ACTR3C: variants seen among roughly 807,000 people sequenced by gnomAD.
The protein encoded by ACTR3C is actin related protein 3C.
In ACTR3C, 18 loss-of-function variants were observed where a neutral mutation model predicts 26.3. The ratio of observed to expected loss-of-function variants is 0.68; its 90% CI spans 0.47 to 1.01. The LOEUF (loss-of-function observed/expected upper bound fraction) is 1.01. Among genes scored for constraint, ACTR3C ranks in the 50% least tolerant of loss-of-function variants. The pLI, the probability that ACTR3C is intolerant of heterozygous loss-of-function variation, is 0.00. For missense variants in ACTR3C, 184 were observed against 250.7 expected, an observed-to-expected ratio of 0.73 and a Z score of 1.80; for synonymous variants, 55 against 94.5, an observed-to-expected ratio of 0.58 and a Z score of 2.42.
At chr7:150,038,217 G>T in the ACTR3C span, among the ~76,000 whole-genome samples, 3 of 144,256 alleles carry the variant, frequency 2.1e-5, no homozygotes, top group East Asian at 5.9e-4. Flanking sequence ...TACTAGCAGG[G>T]CAGTTGCTGC....
chr7:150,289,044 G>C (rs1369456477), intron 4 of ACTR3C, among the ~76,000 whole-genome samples: 1 of 151,302 alleles, frequency 6.6e-6, no homozygotes, highest in African/African-American at 2.4e-5. Context: ...AGCCACACCT[G>C]TGTGTGAATT....
chr7:150,037,087 G>A, the ACTR3C span, among the ~76,000 whole-genome samples: 4 of 101,574 alleles, frequency 3.9e-5, no homozygotes, highest in African/African-American at 3.3e-5. Flanking sequence ...CCCCTCGTGC[G>A]ATGGGGGTCC....
the ACTR3C span, among the ~76,000 whole-genome samples, chr7:150,039,536 G>A: frequency 8.3e-3 from 752 of 90,166 alleles, 13 homozygotes; most frequent in African/African-American, 0.027. Flanking sequence ...CCTGCGATGG[G>A]GGTCCCCAGA....
the ACTR3C span, among the ~76,000 whole-genome samples, chr7:150,060,332 T>C: frequency 6.6e-6 from 1 of 150,534 alleles, no homozygotes; most frequent in South Asian, 2.1e-4. Flanking sequence ...CGTGTGTTTT[T>C]CCTTATTTTG....
At chr7:149,910,373 G>T in the ACTR3C span, among the ~76,000 whole-genome samples, 1 of 152,090 alleles carries the variant, frequency 6.6e-6, no homozygotes, top group Non-Finnish European at 1.5e-5. Context: ...TCAAGACACT[G>T]CATGATAGAT....
At chr7:149,912,532 G>A in the ACTR3C span, among the ~76,000 whole-genome samples, 373 of 144,732 alleles carry the variant, frequency 2.6e-3, no homozygotes, top group African/African-American at 5.7e-3. Flanking sequence ...ACAGAGTTTC[G>A]CTCTTTCGAG....
At chr7:150,017,334 C>T in the ACTR3C span, among the ~76,000 whole-genome samples, 1 of 151,754 alleles carries the variant, frequency 6.6e-6, no homozygotes, top group African/African-American at 2.4e-5. Context: ...CTTAAACTTC[C>T]TTGAAGTCTT....
the ACTR3C span, among the ~76,000 whole-genome samples, chr7:150,156,246 C>T: frequency 2.0e-5 from 3 of 152,138 alleles, no homozygotes; most frequent in East Asian, 3.9e-4. Context: ...TCCTGTTTGC[C>T]GCTGTGTGTT....
the ACTR3C span, among the ~76,000 whole-genome samples, chr7:149,960,593 G>A: frequency 7.9e-5 from 12 of 152,172 alleles, no homozygotes; most frequent in Admixed American, 7.2e-4. Flanking sequence ...GGCTGACTTG[G>A]TTCCGTCATT....
chr7:150,100,822 A>T, the ACTR3C span, among the ~76,000 whole-genome samples: 21 of 150,522 alleles, frequency 1.4e-4, no homozygotes, highest in African/African-American at 4.7e-4. Flanking sequence ...CTACCACCTC[A>T]CCCTCCCAAT....
chr7:149,938,499 C>T, the ACTR3C span, among the ~76,000 whole-genome samples: 1 of 151,376 alleles, frequency 6.6e-6, no homozygotes, highest in East Asian at 1.9e-4. Flanking sequence ...TGAATGGTAG[C>T]CAAATTTACA....
chr7:150,178,397 C>T, the ACTR3C span, among the ~76,000 whole-genome samples: 8 of 149,772 alleles, frequency 5.3e-5, no homozygotes, highest in Non-Finnish European at 8.8e-5. Context: ...ATTCTCCTGC[C>T]TCAACCTTCC....
the ACTR3C span, among the ~76,000 whole-genome samples, chr7:150,157,704 C>T: frequency 2.1e-3 from 320 of 152,200 alleles, no homozygotes; most frequent in African/African-American, 7.4e-3. Context: ...GAAGCATAGA[C>T]GAAGAGTAGA....
intron 6 of ACTR3C, among the ~76,000 whole-genome samples, chr7:150,281,226 G>C (rs1241005662): frequency 2.6e-5 from 4 of 151,908 alleles, no homozygotes; most frequent in Non-Finnish European, 5.9e-5. Context: ...ACAGGAATGC[G>C]CGGCCGTCCA....
At chr7:150,319,268 C>T (rs528571282) in intron 1 of ACTR3C, among the ~76,000 whole-genome samples, 6 of 150,890 alleles carry the variant, frequency 4.0e-5, no homozygotes, top group African/African-American at 4.9e-5. Context: ...AGTCCAATGG[C>T]GTGAGCTTGG....
the ACTR3C span, among the ~76,000 whole-genome samples, chr7:149,949,307 C>T: frequency 1.2e-3 from 172 of 145,562 alleles, 31 homozygotes; most frequent in African/African-American, 4.5e-3. Context: ...ACCTGGGAGA[C>T]GGAGGTTGCA....
At chr7:150,203,222 A>G in the ACTR3C span, among the ~76,000 whole-genome samples, 1 of 152,238 alleles carries the variant, frequency 6.6e-6, no homozygotes, top group Non-Finnish European at 1.5e-5. Context: ...GTGTGTGGAC[A>G]CTGATGTTTG....
intron 6 of ACTR3C, among the ~76,000 whole-genome samples, chr7:150,251,961 C>T (rs970374299): frequency 1.3e-5 from 2 of 152,128 alleles, no homozygotes; most frequent in African/African-American, 2.4e-5. Context: ...CCTGTGTTTT[C>T]CATAGAAACC....
At chr7:150,243,108 A>G (rs397833631), downstream of ACTR3C, among the ~76,000 whole-genome samples, 42 of 152,088 alleles carry the variant, frequency 2.8e-4, no homozygotes, top group African/African-American at 8.7e-4. Flanking sequence ...TGTTATCTTG[A>G]TTACTTCTCA....
Sources: allele counts gnomAD v4.1 joint callset (sites outside exome capture counted in the v4.1 genomes callset), GRCh38; gene constraint gnomAD v4.1.1; transcripts MANE v1.5; gene names NCBI Gene and HGNC (gene_info 2026-07-23, HGNC 2026-07-21).